Variants in ITPR1 observed in about 807,000 individuals in gnomAD.
ITPR1 encodes the protein inositol 1,4,5-trisphosphate-gated calcium channel ITPR1.
Under a neutral mutation model 318.4 loss-of-function variants are expected in ITPR1, and 96 were observed. That is an observed-to-expected ratio of 0.30 (90% confidence interval 0.26 to 0.36). ITPR1 has a LOEUF of 0.36. ITPR1 is among the 10% of genes least tolerant of loss of function. The pLI, the probability that ITPR1 is intolerant of heterozygous loss-of-function variation, is 1.00. For missense variants in ITPR1, 2,440 were observed against 3,460.2 expected (o/e 0.71, Z 7.40); for synonymous variants, 1,312 against 1,289.9 (o/e 1.02, Z -0.37).
At chr3:4,584,656 AC>A (rs1361878114) in intron 4 of ITPR1, among the ~76,000 whole-genome samples, 2 of 151,688 alleles carry the variant, frequency 1.3e-5, no homozygotes, top group Admixed American at 6.6e-5. Context: ...GGAGGCTGCC[AC>A]TCAGTGGGAG....
At chr3:4,539,982 T>G (rs995646981) in intron 4 of ITPR1, among the ~76,000 whole-genome samples, 2 of 91,986 alleles carry the variant, frequency 2.2e-5, no homozygotes, top group African/African-American at 1.2e-4. Flanking sequence ...CAGACTAAGA[T>G]GCAAAAAAAA....
At chr3:4,672,535 A>G (rs760177112) in intron 20 of ITPR1, among the ~76,000 whole-genome samples, 2 of 152,232 alleles carry the variant, frequency 1.3e-5, no homozygotes, top group African/African-American at 4.8e-5. Context: ...TCTTCTCCCA[A>G]GTGAATGAGA....
chr3:4,840,342 T>C (rs907523600), intron 61 of ITPR1, among the ~76,000 whole-genome samples: 1 of 152,172 alleles, frequency 6.6e-6, no homozygotes, highest in African/African-American at 2.4e-5. Flanking sequence ...AAAAGCTCCA[T>C]GAATGATTAA....
chr3:4,697,200 G>A lies in ITPR1; in HGVS notation c.4335G>A (p.Val1445=). The A allele has an allele frequency of 6.2e-7, 1 of 1,602,530 alleles. No homozygotes were observed. Among genetic ancestry groups the A allele is most frequent in the Non-Finnish European group, 8.5e-7 (1 of 1,173,606 alleles). Residue 1445 remains valine (V), a synonymous_variant, in exon 34 of 62, where the codon GTG becomes GTA. Coordinates refer to ENST00000649015, the MANE Select transcript of ITPR1 (RefSeq NM_001378452.1). ...FLNHCYVDTE[V]EMKEIYTSNH... Reference sequence around the variant, plus strand: ...ATCACTGCTATGTGGATACAGAGGTGGAAATGAAGGAGATTTATACCAGCA... The same window carrying A: ...ATCACTGCTATGTGGATACAGAGGTAGAAATGAAGGAGATTTATACCAGCA...
intron 4 of ITPR1, among the ~76,000 whole-genome samples, chr3:4,583,805 G>T (rs1036880418): frequency 1.3e-5 from 2 of 152,126 alleles, no homozygotes; most frequent in African/African-American, 4.8e-5. Flanking sequence ...TTGCAGGATG[G>T]GGGTACCCTG....
intron 4 of ITPR1, among the ~76,000 whole-genome samples, chr3:4,616,561 T>G (rs1399030466): frequency 6.6e-6 from 1 of 152,222 alleles, no homozygotes; most frequent in Non-Finnish European, 1.5e-5. Context: ...CCTATTGATT[T>G]CATCTCATAT....
At chr3:4,602,840 G>C (rs942366636) in intron 4 of ITPR1, among the ~76,000 whole-genome samples, 1 of 152,008 alleles carries the variant, frequency 6.6e-6, no homozygotes, top group Non-Finnish European at 1.5e-5. Context: ...CTGGGCTCTT[G>C]AGAGAAGGGG....
intron 4 of ITPR1, among the ~76,000 whole-genome samples, chr3:4,566,608 A>G (rs959626447): frequency 1.1e-3 from 133 of 122,568 alleles, no homozygotes; most frequent in Middle Eastern, 4.4e-3. Context: ...ACACATGCAC[A>G]CACACACACA....
chr3:4,787,337 CAAAAAAAAA>C (rs71053443), intron 51 of ITPR1, among the ~76,000 whole-genome samples: 2 of 51,346 alleles, frequency 3.9e-5, no homozygotes, highest in Non-Finnish European at 6.4e-5. Context: ...GACTCCATCT[CAAAAAAAAA>C]AAAAAAAAAA....
In ITPR1 at chr3:4,639,490, C is replaced by T; in HGVS notation, c.366+20C>T. The T allele has an allele frequency of 6.6e-7, 1 of 1,525,224 alleles. No individual in the cohort carries two copies. The highest frequency in any genetic ancestry group is 8.9e-7 in the Non-Finnish European group (1 of 1,117,464). The allele number at this position is 1,525,224 out of a possible 1,614,324, so 94.5% of individuals were successfully genotyped here. On this transcript the variant is annotated intron_variant, in intron 6 of 61. Transcript: ENST00000649015. The stretch of plus-strand genomic sequence containing the variant: ...ATCCAGGTAGGTCAAGGCAGCTCTT[C>T]CCTTCTGAAGCTGAAGCGTTACAAA...
At chr3:4,590,751 G>A (rs1199114319) in intron 4 of ITPR1, among the ~76,000 whole-genome samples, 1 of 151,896 alleles carries the variant, frequency 6.6e-6, no homozygotes, top group African/African-American at 2.4e-5. Context: ...GGGGGTACAT[G>A]TGAAGCATGG....
chr3:4,670,711 C>G lies in ITPR1; in HGVS notation c.2007-18C>G. On this transcript the variant is annotated intron_variant, in intron 19 of 61. Coordinates refer to ENST00000649015, the MANE Select transcript of ITPR1 (RefSeq NM_001378452.1). ...TTTTTAAAAATAGTAACTTTTCCCTCCTCCTCTTGTTTTCTAGGTTGGTTC... is the reference window on the plus strand; with the variant it reads ...TTTTTAAAAATAGTAACTTTTCCCTGCTCCTCTTGTTTTCTAGGTTGGTTC... 1 of 1,524,264 alleles carries G rather than the reference C, an allele frequency of 6.6e-7. No individual in the cohort carries two copies. The highest frequency in any genetic ancestry group is 9.0e-7 in the Non-Finnish European group (1 of 1,116,336). The allele number at this position is 1,524,264 out of a possible 1,614,324, so 94.4% of individuals were successfully genotyped here. A position where few individuals can be genotyped will look rare whatever the true frequency, so the allele number is the denominator to read the frequency against.
At chr3:4,708,735 G>A (rs1460882190) in intron 37 of ITPR1, among the ~76,000 whole-genome samples, 1 of 152,184 alleles carries the variant, frequency 6.6e-6, no homozygotes, top group African/African-American at 2.4e-5. Flanking sequence ...GGCCAGTGAC[G>A]TAAAGGATTT....
chr3:4,785,548 A>G (rs1054406571), intron 51 of ITPR1, among the ~76,000 whole-genome samples: 2 of 129,286 alleles, frequency 1.5e-5, no homozygotes, highest in African/African-American at 5.6e-5. Context: ...TTAGCCAACC[A>G]TGCCAGTGTA....
intron 4 of ITPR1, among the ~76,000 whole-genome samples, chr3:4,623,213 A>G (rs1426098376): frequency 6.6e-5 from 10 of 152,170 alleles, no homozygotes. Context: ...TTCTCCCTCC[A>G]GCCTGGCTCC....
At chr3:4,660,357 C>G (rs531808542) in intron 13 of ITPR1, among the ~76,000 whole-genome samples, 1 of 151,790 alleles carries the variant, frequency 6.6e-6, no homozygotes, top group Non-Finnish European at 1.5e-5. Context: ...AGAGTAATAA[C>G]CTTTTAATGC....
At chr3:4,538,992 TAACA>T (rs781059915) in intron 4 of ITPR1, among the ~76,000 whole-genome samples, 7 of 152,198 alleles carry the variant, frequency 4.6e-5, no homozygotes, top group Non-Finnish European at 1.0e-4. Flanking sequence ...TTTACCTATG[TAACA>T]AACACATGCA....
chr3:4,600,780 C>G (rs2091210355), intron 4 of ITPR1, among the ~76,000 whole-genome samples: 1 of 152,042 alleles, frequency 6.6e-6, no homozygotes, highest in South Asian at 2.1e-4. Flanking sequence ...AAAATTGATT[C>G]ACTCCCCACC....
intron 4 of ITPR1, among the ~76,000 whole-genome samples, chr3:4,587,642 A>C (rs1435165677): frequency 1.3e-5 from 2 of 152,058 alleles, no homozygotes; most frequent in Non-Finnish European, 2.9e-5. Flanking sequence ...CTTTCAGTCT[A>C]TTTAGTGGAT....
Sources: allele counts gnomAD v4.1 joint callset (sites outside exome capture counted in the v4.1 genomes callset), GRCh38; gene constraint gnomAD v4.1.1; transcripts MANE v1.5; gene names NCBI Gene and HGNC (gene_info 2026-07-23, HGNC 2026-07-21).